The following VTI1A variants were observed in gnomAD, a reference collection of about 807,000 sequenced individuals.
The protein encoded by VTI1A is vesicle transport through interaction with t-SNAREs homolog 1A.
A neutral mutation model predicts 34.9 loss-of-function variants in VTI1A; 22 were observed. The observed-to-expected ratio is 0.63, with a 90% CI of 0.45 to 0.90. The LOEUF (loss-of-function observed/expected upper bound fraction) is 0.90. VTI1A is among the 40% of genes least tolerant of loss of function. VTI1A has a pLI of 0.00. For synonymous variants in VTI1A, 87 were observed against 97.3 expected, an observed-to-expected ratio of 0.89 and a Z score of 0.62; for missense variants, 268 against 275.6, an observed-to-expected ratio of 0.97 and a Z score of 0.20.
chr10:112,847,851 C>G, the VTI1A span, among the ~76,000 whole-genome samples: 2 of 152,178 alleles, frequency 1.3e-5, no homozygotes, highest in South Asian at 4.1e-4. Context: ...CCTAGAATCT[C>G]TTGGGTGCCA....
intron 7 of VTI1A, among the ~76,000 whole-genome samples, chr10:112,724,085 C>A (rs1347158085): frequency 2.6e-5 from 4 of 152,096 alleles, no homozygotes; most frequent in Non-Finnish European, 4.4e-5. Context: ...TCTTTGTATC[C>A]CACACAGTCC....
At chr10:112,737,384 T>C in intron 7 of VTI1A, 7 of 1,030,820 alleles carry the variant, frequency 6.8e-6, no homozygotes, top group Non-Finnish European at 8.2e-6. Context: ...CTGTGGATTA[T>C]TCATTTTGTC....
At chr10:112,551,210 C>T (rs12262691) in intron 5 of VTI1A, among the ~76,000 whole-genome samples, 1 of 143,284 alleles carries the variant, frequency 7.0e-6, no homozygotes, top group East Asian at 2.1e-4. Context: ...CGCCACTGCA[C>T]TCCAGCCTGG....
rs1853589803 is a variant in VTI1A, at chr10:112,818,597, G to A, written c.*3214G>A. 4.5e-6 allele frequency: 1 copy of A among 221,074 alleles called. No individual in the cohort carries two copies. The highest frequency in any genetic ancestry group is 2.2e-5 in the African/African-American group (1 of 44,582). The allele number at this position is 221,074 out of a possible 1,614,324, so 13.7% of individuals were successfully genotyped here. ...GACTGACAGCCGTCAGTCCCAGAGG[G>A]GCTCATTAAATCATAAAAACTTGAC... is the stretch of plus-strand genomic sequence containing the variant. On this transcript the variant is annotated 3_prime_UTR_variant, in exon 8 of 8. Transcript: ENST00000393077.
chr10:112,724,104 A>G (rs1590117510), intron 7 of VTI1A, among the ~76,000 whole-genome samples: 1 of 152,268 alleles, frequency 6.6e-6, no homozygotes, highest in Non-Finnish European at 1.5e-5. Flanking sequence ...CCCCATGTTA[A>G]TAGTTGTTTG....
the VTI1A span, among the ~76,000 whole-genome samples, chr10:112,838,456 G>A: frequency 3.3e-5 from 5 of 152,342 alleles, no homozygotes; most frequent in African/African-American, 7.2e-5. Flanking sequence ...CATATATGGT[G>A]TAGATTACAA....
At chr10:112,536,082 C>T (rs1400583485) in intron 4 of VTI1A, among the ~76,000 whole-genome samples, 7 of 152,176 alleles carry the variant, frequency 4.6e-5, no homozygotes, top group African/African-American at 1.7e-4. Flanking sequence ...AGTTATTTTA[C>T]ATTTAAATGC....
At chr10:112,722,838 A>T (rs980601375) in intron 7 of VTI1A, among the ~76,000 whole-genome samples, 1 of 152,142 alleles carries the variant, frequency 6.6e-6, no homozygotes, top group African/African-American at 2.4e-5. Flanking sequence ...AGCTCATCTA[A>T]TCAGTCTACT....
At chr10:112,611,118 T>C (rs1017857603) in intron 5 of VTI1A, among the ~76,000 whole-genome samples, 1 of 152,210 alleles carries the variant, frequency 6.6e-6, no homozygotes, top group Non-Finnish European at 1.5e-5. Context: ...TAATGAGAGC[T>C]GTCCCAGCAT....
intron 3 of VTI1A, among the ~76,000 whole-genome samples, chr10:112,486,935 C>A (rs55701054): frequency 3.3e-5 from 5 of 151,526 alleles, no homozygotes; most frequent in African/African-American, 1.2e-4. Context: ...CTCTCTTTAC[C>A]GCAGTGCATT....
intron 3 of VTI1A, among the ~76,000 whole-genome samples, chr10:112,474,332 C>T (rs1045039239): frequency 7.2e-5 from 11 of 152,110 alleles, no homozygotes; most frequent in East Asian, 1.9e-4. Context: ...GGATTACAGG[C>T]GTGAGCCACC....
rs1853564366 is a variant in VTI1A at position 112,817,677 on chromosome 10, A to C, written c.*2294A>C. The C allele has an allele frequency of 8.7e-6, 2 of 228,994 alleles. No individual in the cohort carries two copies. Among genetic ancestry groups the C allele is most frequent in the South Asian group, 3.6e-4 (2 of 5,502 alleles). 14.2% of individuals were successfully genotyped at this position (228,994 alleles called of 1,614,324 possible). On this transcript the variant is annotated 3_prime_UTR_variant, in exon 8 of 8. Coordinates refer to ENST00000393077, the MANE Select transcript of VTI1A (RefSeq NM_145206.4). ...TGCAGAAAAGACTTAGGGGATCCCC[A>C]GCAGAGGCCAATTGCTCTCCTTCCT...
At chr10:112,839,382 C>A in the VTI1A span, among the ~76,000 whole-genome samples, 3 of 152,064 alleles carry the variant, frequency 2.0e-5, no homozygotes, top group South Asian at 6.2e-4. Flanking sequence ...GAGCTGAGTC[C>A]CGAAAAATGC....
At chr10:112,827,245 G>C in the VTI1A span, 1 of 152,114 alleles carries the variant, frequency 6.6e-6, no homozygotes, top group Non-Finnish European at 1.5e-5. Flanking sequence ...GTAACTGAGC[G>C]ATCGCGCTCC....
intron 4 of VTI1A, among the ~76,000 whole-genome samples, chr10:112,529,948 G>A (rs1465295598): frequency 6.6e-6 from 1 of 151,968 alleles, no homozygotes; most frequent in Non-Finnish European, 1.5e-5. Context: ...AAACCTGACT[G>A]TAATACATAT....
At chr10:112,626,586 AAAAG>A (rs955522408) in intron 5 of VTI1A, among the ~76,000 whole-genome samples, 6 of 152,272 alleles carry the variant, frequency 3.9e-5, no homozygotes, top group African/African-American at 7.2e-5. Context: ...TTGCAAAAAA[AAAAG>A]AAAGAAAGAA....
At chr10:112,776,878 A>G (rs1429026968) in intron 7 of VTI1A, among the ~76,000 whole-genome samples, 3 of 151,950 alleles carry the variant, frequency 2.0e-5, no homozygotes, top group Non-Finnish European at 2.9e-5. Flanking sequence ...GGGTTTCACC[A>G]TGTTGGCCAG....
chr10:112,708,147 C>T (rs181436795), intron 7 of VTI1A, among the ~76,000 whole-genome samples: 24 of 152,330 alleles, frequency 1.6e-4, no homozygotes, highest in African/African-American at 3.8e-4. Context: ...TGGGCCTGTC[C>T]TTCCACTGTG....
At chr10:112,627,356 T>G (rs1317531631) in intron 5 of VTI1A, among the ~76,000 whole-genome samples, 1 of 152,186 alleles carries the variant, frequency 6.6e-6, no homozygotes, top group Non-Finnish European at 1.5e-5. Context: ...CCAGACATAT[T>G]TTTAAAGTAG....
Sources: allele counts gnomAD v4.1 joint callset (sites outside exome capture counted in the v4.1 genomes callset), GRCh38; gene constraint gnomAD v4.1.1; transcripts MANE v1.5; gene names NCBI Gene and HGNC (gene_info 2026-07-23, HGNC 2026-07-21).